The following ELF2 variants were observed in gnomAD, a reference collection of about 807,000 sequenced individuals.
ELF2 encodes E74 like ETS transcription factor 2.
Under a neutral mutation model 54.8 loss-of-function variants are expected in ELF2, and 11 were observed. That is an observed-to-expected ratio of 0.20 (90% CI 0.13 to 0.33). The LOEUF is 0.33. Ranked by LOEUF, ELF2 falls within the 10% of genes least tolerant of loss-of-function variation. The pLI, the probability that ELF2 is intolerant of heterozygous loss-of-function variation, is 1.00. For synonymous variants in ELF2, 203 were observed against 245.1 expected, an observed-to-expected ratio of 0.83 and a Z score of 1.61; for missense variants, 513 against 703.0, an observed-to-expected ratio of 0.73 and a Z score of 3.06.
At chr4:139,060,091 C>T (rs531231804) in intron 9 of ELF2, among the ~76,000 whole-genome samples, 2 of 152,240 alleles carry the variant, frequency 1.3e-5, no homozygotes, top group African/African-American at 4.8e-5. Context: ...CTCAAGCAAT[C>T]CTCCTGTCTT....
intron 4 of ELF2, among the ~76,000 whole-genome samples, chr4:139,116,036 G>A (rs1735675663): frequency 6.6e-6 from 1 of 152,046 alleles, no homozygotes; most frequent in Admixed American, 6.5e-5. Flanking sequence ...TACAGATGGG[G>A]TTTTGCCAAG....
At chr4:139,062,174 CT>C (rs201805316) in intron 7 of ELF2, 117 bp from the exon 8 acceptor site, 75,892 of 859,478 alleles carry the variant, frequency 0.088, no homozygotes, top group East Asian at 0.1. Flanking sequence ...CTTGTTTCTA[CT>C]TTTTTTTTTT....
intron 1 of ELF2, among the ~76,000 whole-genome samples, chr4:139,151,248 T>C (rs771094299): frequency 7.9e-5 from 12 of 151,968 alleles, no homozygotes; most frequent in Non-Finnish European, 1.0e-4. Flanking sequence ...GAAGAAAATA[T>C]AGAATATCTT....
At chr4:139,129,724 A>G (rs1158535854) in intron 3 of ELF2, among the ~76,000 whole-genome samples, 1 of 152,242 alleles carries the variant, frequency 6.6e-6, no homozygotes, top group East Asian at 1.9e-4. Flanking sequence ...AGCTGATATT[A>G]TATTTTAACA....
chr4:139,080,013 C>A (rs1334749070), intron 4 of ELF2, among the ~76,000 whole-genome samples: 1 of 152,200 alleles, frequency 6.6e-6, no homozygotes, highest in Non-Finnish European at 1.5e-5. Flanking sequence ...TTAAGCATTT[C>A]TTTGCATCCT....
chr4:139,122,967 G>A (rs934436357), intron 4 of ELF2, among the ~76,000 whole-genome samples: 5 of 151,362 alleles, frequency 3.3e-5, no homozygotes, highest in African/African-American at 4.8e-5. Context: ...GGCAGATCAC[G>A]AAGTCAAGAA....
At chr4:139,092,414 T>TAACAAACATAACATAACATAACATA (rs70940488) in intron 4 of ELF2, among the ~76,000 whole-genome samples, 1,498 of 87,782 alleles carry the variant, frequency 0.017, 113 homozygotes, top group East Asian at 0.033. Context: ...TAACATAACA[T>TAACAAACATAACATAACATAACATA]ACATAACATA....
chr4:139,070,395 A>G lies in ELF2; in HGVS notation c.526+1471T>C, dbSNP rs557512612. The stretch of plus-strand genomic sequence containing the variant: ...AACCTCCACCTCTCGGGTTCAAGCG[A>G]TTCTCCTGCCTCAGCCTCCCGAAAA... On this transcript the variant is annotated intron_variant, in intron 6 of 9. Transcript: ENST00000686138. Among the ~76,000 whole-genome samples, 30 of 151,604 alleles carry G rather than the reference A, an allele frequency of 2.0e-4. No homozygotes were observed. The South Asian group carries it at 5.2e-3, about 26-fold the overall frequency.
intron 3 of ELF2, among the ~76,000 whole-genome samples, chr4:139,133,050 T>G (rs987615447): frequency 6.6e-6 from 1 of 151,702 alleles, no homozygotes; most frequent in Non-Finnish European, 1.5e-5. Flanking sequence ...CCCTCCCAAG[T>G]AGCTGGGACT....
At chr4:139,143,230 GA>G (rs1738890024) in intron 1 of ELF2, among the ~76,000 whole-genome samples, 1 of 152,156 alleles carries the variant, frequency 6.6e-6, no homozygotes, top group African/African-American at 2.4e-5. Context: ...TGTGTTCCTG[GA>G]ACAGTCTGCA....
At chr4:139,113,765 G>A (rs1041682135) in intron 4 of ELF2, among the ~76,000 whole-genome samples, 2 of 151,450 alleles carry the variant, frequency 1.3e-5, no homozygotes, top group Non-Finnish European at 2.9e-5. Flanking sequence ...TGAGGCAGGA[G>A]AATCGCTTGA....
At chr4:139,117,832 T>C (rs941848084) in intron 4 of ELF2, 1 of 154,438 alleles carries the variant, frequency 6.5e-6, no homozygotes, top group South Asian at 2.0e-4. Flanking sequence ...CACACACCTG[T>C]AGTCCCAGCC....
intron 4 of ELF2, among the ~76,000 whole-genome samples, chr4:139,121,371 G>A (rs969341703): frequency 6.6e-6 from 1 of 151,880 alleles, no homozygotes; most frequent in African/African-American, 2.4e-5. Context: ...GCCTCCGAAA[G>A]TGCTGGGATT....
chr4:139,093,852 T>C (rs1190916423), intron 4 of ELF2, among the ~76,000 whole-genome samples: 8 of 152,112 alleles, frequency 5.3e-5, no homozygotes, highest in Non-Finnish European at 1.0e-4. Flanking sequence ...ACTACTCTTT[T>C]TAAAATATCA....
intron 1 of ELF2, among the ~76,000 whole-genome samples, chr4:139,170,017 T>C (rs773761575): frequency 1.3e-5 from 2 of 152,138 alleles, no homozygotes; most frequent in Non-Finnish European, 2.9e-5. Flanking sequence ...ACCATCTGTA[T>C]GTAAAAGATG....
At chr4:139,120,964 A>G (rs1001666698) in intron 4 of ELF2, among the ~76,000 whole-genome samples, 13 of 152,138 alleles carry the variant, frequency 8.5e-5, no homozygotes, top group Non-Finnish European at 1.5e-5. Flanking sequence ...AGATCCTATC[A>G]TGTGTCCTTT....
chr4:139,159,402 C>T (rs1740872995), intron 1 of ELF2, among the ~76,000 whole-genome samples: 2 of 152,254 alleles, frequency 1.3e-5, no homozygotes, highest in South Asian at 4.1e-4. Flanking sequence ...GCCTGTGAGG[C>T]TGGAAGGAGA....
chr4:139,081,733 A>C (rs1731143502), intron 4 of ELF2, among the ~76,000 whole-genome samples: 1 of 152,184 alleles, frequency 6.6e-6, no homozygotes, highest in Non-Finnish European at 1.5e-5. Context: ...CATGATTCCT[A>C]ATCTTCTGGG....
intron 4 of ELF2, chr4:139,084,196 T>C (rs1364946451): frequency 4.3e-6 from 7 of 1,613,174 alleles, no homozygotes; most frequent in East Asian, 2.2e-5. Flanking sequence ...GCCATGTTTA[T>C]CCCGGGGCTG....
Sources: gnomAD v4.1 joint callset for allele counts (sites outside exome capture counted in the v4.1 genomes callset) on GRCh38, gnomAD v4.1.1 for gene constraint, MANE v1.5 for transcripts, NCBI Gene and HGNC (gene_info 2026-07-23, HGNC 2026-07-21) for gene names.